PRICKLE3: variants seen among roughly 807,000 people sequenced by gnomAD.
PRICKLE3 encodes the protein prickle planar cell polarity protein 3, also known as LIM domain only protein 6.
Under a neutral mutation model 33.8 loss-of-function variants are expected in PRICKLE3, and 17 were observed. That is an observed-to-expected ratio of 0.50 (90% CI 0.34 to 0.75). The LOEUF (loss-of-function observed/expected upper bound fraction) is 0.75, where lower values mean the gene tolerates loss of function less well. Among genes scored for constraint, PRICKLE3 ranks in the 30% least tolerant of loss-of-function variants. The pLI is 0.01. For synonymous variants in PRICKLE3, 211 were observed against 219.6 expected, an observed-to-expected ratio of 0.96 and a Z score of 0.34; for missense variants, 573 against 576.7, an observed-to-expected ratio of 0.99 and a Z score of 0.07.
At position 49,177,047 on chromosome X, in the gene PRICKLE3, C is replaced by G. The variant is rs928124183; in HGVS notation, c.1111G>C (p.Glu371Gln). The G allele has an allele frequency of 1.6e-5, 19 of 1,207,410 alleles. No homozygotes were observed. The highest frequency in any genetic ancestry group is 2.0e-5 in the Non-Finnish European group (18 of 893,754). The change falls in exon 8 of 9, where the codon GAG becomes CAG. Residue 371 changes from glutamate (E) to glutamine (Q), a missense_variant. Glu to Gln is a conservative substitution (Grantham distance 29). Coordinates refer to ENST00000599218, the MANE Select transcript of PRICKLE3 (RefSeq NM_006150.5). Reference sequence around the variant, plus strand: ...CGGCTCGGCCCTGGAGCTGTGGGCTCGGACCCAAGGCTGCAGGCTCGAGAG... The same window carrying G: ...CGGCTCGGCCCTGGAGCTGTGGGCTGGGACCCAAGGCTGCAGGCTCGAGAG... Reference protein sequence around the residue: ...FCSRACSLGSEPTAPGPSRRS... With the variant: ...FCSRACSLGSQPTAPGPSRRS...
At position 49,186,365 on chromosome X, in the gene PRICKLE3, C is replaced by G; in HGVS notation, c.-68G>C. The G allele has an allele frequency of 4.0e-6, 4 of 1,012,024 alleles. No individual in the cohort carries two copies. Among genetic ancestry groups the G allele is most frequent in the Non-Finnish European group, 5.2e-6 (4 of 771,309 alleles). The allele number at this position is 1,012,024 out of a possible 1,213,427, so 83.4% of individuals were successfully genotyped here. On this transcript the variant is annotated 5_prime_UTR_variant, in exon 1 of 9. Coordinates refer to ENST00000599218, the MANE Select transcript of PRICKLE3 (RefSeq NM_006150.5). ...GTAATCCTTGCGACCGTCAGGCCACCGCGCGTCCGGCCTGGGAACTCGGTT... is the reference window on the plus strand; with the variant it reads ...GTAATCCTTGCGACCGTCAGGCCACGGCGCGTCCGGCCTGGGAACTCGGTT...
rs376861498 is a variant in PRICKLE3 at position 49,178,430 on chromosome X, G to A, written c.610C>T (p.Arg204Cys). ...TGCCAGCAGGCACCCAGGCCTGCACGGCTGGCAAACACTGCGATGTCCCCA... is the reference window on the plus strand; with the variant it reads ...TGCCAGCAGGCACCCAGGCCTGCACAGCTGGCAAACACTGCGATGTCCCCA... Reference protein sequence around the residue: ...GGGDIAVFASRAGLGACWHPQ... With the variant: ...GGGDIAVFASCAGLGACWHPQ... The change falls in exon 6 of 9, where the codon CGT (arginine) becomes TGT (cysteine). Residue 204 changes from arginine (R) to cysteine (C), a missense_variant. Physicochemically the swap from Arg to Cys is radical, Grantham distance 180. Transcript: ENST00000599218. 8 of 1,210,607 alleles carry A rather than the reference G, an allele frequency of 6.6e-6. No individual in the cohort carries two copies. Among genetic ancestry groups the A allele is most frequent in the South Asian group, 3.5e-5 (2 of 56,881 alleles).
Position 49,175,453 on chromosome X carries a change from T to C in PRICKLE3, c.*220A>G. 2.6e-6 allele frequency: 1 copy of C among 380,123 alleles called. No individual in the cohort carries two copies. The highest frequency in any genetic ancestry group is 4.5e-6 in the Non-Finnish European group (1 of 223,948). 31.3% of individuals were successfully genotyped at this position (380,123 alleles called of 1,213,427 possible). Reference sequence around the variant, plus strand: ...GGAGGATAGCTTGAGCCCAAAACTTTTGAGGCTGCAGTGAGCCCTGATCAC... The same window carrying C: ...GGAGGATAGCTTGAGCCCAAAACTTCTGAGGCTGCAGTGAGCCCTGATCAC... On this transcript the variant is annotated 3_prime_UTR_variant, in exon 9 of 9. Coordinates refer to ENST00000599218, the MANE Select transcript of PRICKLE3 (RefSeq NM_006150.5).
intron 3 of PRICKLE3, 94 bp downstream of exon 3, chrX:49,183,640 C>T: frequency 2.6e-6 from 3 of 1,169,447 alleles, no homozygotes; most frequent in Non-Finnish European, 3.4e-6. Context: ...AGCGTAGCCC[C>T]AGAAATAGGT....
In PRICKLE3 at chrX:49,176,118, C is replaced by T. The variant is rs370668964; in HGVS notation, c.1403G>A (p.Arg468His). 5 of 1,206,315 alleles carry T rather than the reference C, an allele frequency of 4.1e-6. No individual in the cohort carries two copies. In the East Asian group the frequency reaches 1.2e-4, roughly 29 times the overall value. The stretch of plus-strand genomic sequence containing the variant: ...GAAGCTGACGCGTGGGGTGCTCTGA[C>T]GACCGAAGGCACTATCATCTGGGCG... ...NLRPDDSAFG[R>H]QSTPRVSFRD... Residue 468 changes from arginine to histidine, a missense_variant, in exon 9 of 9, where the codon CGT becomes CAT. Transcript: ENST00000599218.
At chrX:49,177,761 A>T (rs1181355332) in intron 7 of PRICKLE3, among the ~76,000 whole-genome samples, 2 of 111,338 alleles carry the variant, frequency 1.8e-5, no homozygotes, top group African/African-American at 6.5e-5. Flanking sequence ...GTGGGTGTAG[A>T]CATGTGGTGG....
Position 49,175,536 on chromosome X carries a change from A to T in PRICKLE3, c.*137T>A. 1.7e-6 allele frequency: 1 copy of T among 599,409 alleles called. No homozygotes were observed. The highest frequency in any genetic ancestry group is 2.5e-6 in the Non-Finnish European group (1 of 396,598). 49.4% of individuals were successfully genotyped at this position (599,409 alleles called of 1,213,427 possible). A position where few individuals can be genotyped will look rare whatever the true frequency, so the allele number is the denominator to read the frequency against. On this transcript the variant is annotated 3_prime_UTR_variant, in exon 9 of 9. Transcript: ENST00000599218. ...ACCAAGTCTCTAAAACAGAAACAAA[A>T]ATAGAAACAAACTGATAAAGGAGGG...
At chrX:49,185,590 T>C (rs2065478860) in intron 1 of PRICKLE3, among the ~76,000 whole-genome samples, 1 of 110,669 alleles carries the variant, frequency 9.0e-6, no homozygotes, top group South Asian at 3.9e-4. Context: ...TCCTCCAAGG[T>C]ACTGTGTCCT....
chrX:49,183,660 A>AGTGT (rs111289873), intron 3 of PRICKLE3, 74 bp downstream of exon 3: 1 of 1,126,904 alleles, frequency 8.9e-7, no homozygotes, highest in Non-Finnish European at 1.2e-6. Context: ...TTCCCACCTG[A>AGTGT]GTGTGTGTGT....
intron 1 of PRICKLE3, 82 bp from the exon 2 acceptor site, chrX:49,184,792 A>G: frequency 8.6e-7 from 1 of 1,163,177 alleles, no homozygotes; most frequent in East Asian, 3.3e-5. Flanking sequence ...CCTCCACTTC[A>G]TTGCCCGCGA....
chrX:49,176,904 T>G lies in PRICKLE3; in HGVS notation c.1254A>C (p.Pro418=). The G allele has an allele frequency of 8.4e-7, 1 of 1,188,189 alleles. No individual in the cohort carries two copies. The highest frequency in any genetic ancestry group is 1.1e-6 in the Non-Finnish European group (1 of 884,191). Residue 418 remains proline, a splice_region_variant and synonymous_variant, in exon 8 of 9, where the codon CCA becomes CCC. Transcript: ENST00000599218. Reference sequence around the variant, plus strand: ...GGTGTGGCTAGAGGGTTAGCTCACCTGGCGCTAACTCTGTGCTGGTGCCTT... The same window carrying G: ...GGTGTGGCTAGAGGGTTAGCTCACCGGGCGCTAACTCTGTGCTGGTGCCTT... ...TTKGTSTELA[P]ATGPEEPSRF...
chrX:49,175,973 A>T lies in PRICKLE3; in HGVS notation c.1548T>A (p.His516Gln). ...GGCGGTTGTGATGGTGATGGTGATT[A>T]TGATGATGGTGGCGGCGACGGCTGG... ...RAPSRRRHHHHNHHHHHNRHP... is the reference protein window; with the variant it reads ...RAPSRRRHHHQNHHHHHNRHP... The change falls in exon 9 of 9, where the codon CAT becomes CAA. Residue 516 changes from histidine (H) to glutamine (Q), a missense_variant. Transcript: ENST00000599218. The T allele has an allele frequency of 5.8e-6, 7 of 1,211,026 alleles. No individual in the cohort carries two copies. The highest frequency in any genetic ancestry group is 7.8e-6 in the Non-Finnish European group (7 of 895,399).
chrX:49,186,292 G>A lies in PRICKLE3; in HGVS notation c.6C>T (p.Phe2=). Reference sequence around the variant, plus strand: ...AGCGGCGCCTCCGGGACCCACGCGCGAACATGGCGCGCCCGGGCAGGGTCA... The same window carrying A: ...AGCGGCGCCTCCGGGACCCACGCGCAAACATGGCGCGCCCGGGCAGGGTCA... The part of the protein sequence containing the change: M[F]ARGSRRRRSG... The change falls in exon 1 of 9, where the codon TTC becomes TTT. Residue 2 remains phenylalanine, a synonymous_variant. Transcript: ENST00000599218. The A allele has an allele frequency of 3.5e-6, 4 of 1,148,583 alleles. No individual in the cohort carries two copies. Among genetic ancestry groups the A allele is most frequent in the Admixed American group, 2.7e-5 (1 of 37,456 alleles). 94.7% of individuals were successfully genotyped at this position (1,148,583 alleles called of 1,213,427 possible). A position where few individuals can be genotyped will look rare whatever the true frequency, so the allele number is the denominator to read the frequency against.
chrX:49,178,225 G>A (rs1557100449), intron 6 of PRICKLE3, 46 bp from the exon 7 acceptor site: 1 of 1,197,339 alleles, frequency 8.4e-7, no homozygotes, highest in African/African-American at 1.7e-5. Context: ...GCCTGCTCCT[G>A]GCCCTGCCCA....
chrX:49,186,150 T>A, intron 1 of PRICKLE3, 106 bp downstream of exon 1: 1 of 950,032 alleles, frequency 1.1e-6, no homozygotes, highest in South Asian at 2.3e-5. Context: ...GGGGATGGGA[T>A]TCCCAGATCC....
intron 3 of PRICKLE3, among the ~76,000 whole-genome samples, chrX:49,182,783 T>C (rs2065463206): frequency 1.8e-5 from 2 of 111,001 alleles, no homozygotes; most frequent in South Asian, 7.5e-4. Context: ...GTTTGCTTAT[T>C]GGGTGTTCCT....
Position 49,178,358 on chromosome X carries a change from G to A in PRICKLE3, c.682C>T (p.Leu228Phe). 1 of 1,209,979 alleles carries A rather than the reference G, an allele frequency of 8.3e-7. No homozygotes were observed. Among genetic ancestry groups the A allele is most frequent in the Non-Finnish European group, 1.1e-6 (1 of 894,397 alleles). Residue 228 changes from leucine to phenylalanine, a missense_variant, in exon 6 of 9, where the codon CTC becomes TTC. Physicochemically the swap from Leu to Phe is conservative, Grantham distance 22. Coordinates refer to ENST00000599218, the MANE Select transcript of PRICKLE3 (RefSeq NM_006150.5). Reference sequence around the variant, plus strand: ...TTGCCAACATGGTAGAAGTAGATGAGGTCAACCAGCAGTTCCTGGCACGTG... The same window carrying A: ...TTGCCAACATGGTAGAAGTAGATGAAGTCAACCAGCAGTTCCTGGCACGTG... ...CTTCQELLVD[L>F]IYFYHVGKVY...
rs1243233050 is a variant in PRICKLE3 at position 49,175,679 on chromosome X, C to T, written c.1842G>A (p.Val614=). The T allele has an allele frequency of 4.1e-6, 5 of 1,206,933 alleles. No individual in the cohort carries two copies. The highest frequency in any genetic ancestry group is 5.6e-6 in the Non-Finnish European group (5 of 892,953). ...CCTCCAGGACGGCCTGCCTTCAAGCCACGATGCAGTTCTTGTCTCGGGCCT... is the reference window on the plus strand; with the variant it reads ...CCTCCAGGACGGCCTGCCTTCAAGCTACGATGCAGTTCTTGTCTCGGGCCT... The part of the protein sequence containing the change: ...PRQARDKNCI[V]A Residue 614 remains valine (V), a synonymous_variant, in exon 9 of 9, where the codon GTG becomes GTA. Coordinates refer to ENST00000599218, the MANE Select transcript of PRICKLE3 (RefSeq NM_006150.5).
intron 2 of PRICKLE3, 116 bp downstream of exon 2, chrX:49,184,509 A>T: frequency 8.7e-6 from 6 of 689,375 alleles, no homozygotes; most frequent in Non-Finnish European, 1.0e-5. Context: ...CTCTTTTCCC[A>T]ACTGAGATCC....
Sources: allele counts gnomAD v4.1 joint callset (sites outside exome capture counted in the v4.1 genomes callset), GRCh38; gene constraint gnomAD v4.1.1; transcripts MANE v1.5; gene names NCBI Gene and HGNC (gene_info 2026-07-23, HGNC 2026-07-21).